ATG7: variants seen among roughly 807,000 people sequenced by gnomAD.
The protein encoded by ATG7 is ubiquitin-like modifier-activating enzyme ATG7.
Under a neutral mutation model 82.4 loss-of-function variants are expected in ATG7, and 70 were observed. That is an observed-to-expected ratio of 0.85 (90% CI 0.70 to 1.04). The LOEUF is 1.04. ATG7 is among the 50% of genes least tolerant of loss of function. ATG7 has a pLI of 0.00. For missense variants in ATG7, 792 were observed against 864.3 expected, an observed-to-expected ratio of 0.92 and a Z score of 1.05; for synonymous variants, 287 against 313.0, an observed-to-expected ratio of 0.92 and a Z score of 0.88.
chr3:11,512,902 G>A (rs1399639301), intron 20 of ATG7, among the ~76,000 whole-genome samples: 4 of 152,118 alleles, frequency 2.6e-5, no homozygotes, highest in Admixed American at 1.3e-4. Context: ...TGATTGGTGC[G>A]TTTACAATCC....
chr3:11,477,357 G>T, intron 20 of ATG7: 1 of 1,103,748 alleles, frequency 9.1e-7, no homozygotes, highest in South Asian at 1.9e-5. Context: ...AGTAATGAAT[G>T]TAAGTTTCTC....
Position 11,371,590 on chromosome 3 carries a change from A to C in ATG7, c.1875+6856A>C, listed in dbSNP as rs140597358. The stretch of plus-strand genomic sequence containing the variant: ...CAGGGATTCCCATACCTGGCCTTCC[A>C]TCAGAATCACCTAAGGAGCCATTTC... On this transcript the variant is annotated intron_variant, in intron 18 of 20. Transcript: ENST00000693202. Among the ~76,000 whole-genome samples, 372 of 151,006 alleles carry C rather than the reference A, an allele frequency of 2.5e-3. 8 individuals carry two copies. The highest frequency in any genetic ancestry group is 4.0e-3 in the Admixed American group (60 of 15,130).
chr3:11,323,753 C>T (rs1429236507), intron 9 of ATG7, among the ~76,000 whole-genome samples: 1 of 152,226 alleles, frequency 6.6e-6, no homozygotes, highest in Admixed American at 6.5e-5. Flanking sequence ...GTTAGTTGGG[C>T]TCTTTCTTCA....
chr3:11,499,511 C>T (rs942434003), intron 20 of ATG7, among the ~76,000 whole-genome samples: 3 of 151,966 alleles, frequency 2.0e-5, no homozygotes, highest in South Asian at 2.1e-4. Flanking sequence ...TTTGGGAGGC[C>T]GAGGAGGGCG....
chr3:11,569,017 G>C, the ATG7 span: 10 of 907,994 alleles, frequency 1.1e-5, no homozygotes, highest in Admixed American at 1.0e-4. Flanking sequence ...AGCTTTCTGA[G>C]TACTGAAAGC....
At chr3:11,363,260 G>A (rs1485903155) in intron 17 of ATG7, among the ~76,000 whole-genome samples, 2 of 147,406 alleles carry the variant, frequency 1.4e-5, no homozygotes, top group African/African-American at 5.0e-5. Context: ...TTTTTTTAAC[G>A]AGACGGAATT....
rs111546917 is a variant in ATG7, at chr3:11,538,520, AAG to A, written c.2080-16287_2080-16286del. ...AAATGCCATGGTATGGTAGAGAGGA[AAG>A]AGACTCATATTTGAATATGACACAG... On this transcript the variant is annotated intron_variant, in intron 20 of 20. Coordinates refer to ENST00000693202, the MANE Select transcript of ATG7 (RefSeq NM_001349232.2). 1.6e-3 allele frequency among the ~76,000 whole-genome samples: 241 copies of A among 151,796 alleles called. 2 individuals are homozygous for A. The highest frequency in any genetic ancestry group is 5.3e-3 in the African/African-American group (221 of 41,352).
chr3:11,571,414 T>G, the ATG7 span, among the ~76,000 whole-genome samples: 3 of 152,210 alleles, frequency 2.0e-5, no homozygotes, highest in Non-Finnish European at 4.4e-5. Context: ...CCAGGTGCAG[T>G]GACTCACGCC....
chr3:11,559,303 T>C (rs1389447561), downstream of ATG7: 2 of 1,511,170 alleles, frequency 1.3e-6, no homozygotes, highest in East Asian at 2.5e-5. Flanking sequence ...AGCACAGCTG[T>C]GACAGGTGAG....
At chr3:11,486,825 T>TG (rs1375185621) in intron 20 of ATG7, among the ~76,000 whole-genome samples, 1 of 141,186 alleles carries the variant, frequency 7.1e-6, no homozygotes, top group Non-Finnish European at 1.5e-5. Flanking sequence ...GTTCTGTTTT[T>TG]TTTTTTTTTT....
chr3:11,273,652 G>A (rs141784536), intron 1 of ATG7, among the ~76,000 whole-genome samples: 4 of 152,226 alleles, frequency 2.6e-5, no homozygotes, highest in African/African-American at 9.6e-5. Context: ...ATATTTGTTG[G>A]ATGAATGAAT....
intron 19 of ATG7, among the ~76,000 whole-genome samples, chr3:11,425,723 A>C (rs1039685619): frequency 6.6e-6 from 1 of 152,208 alleles, no homozygotes; most frequent in Non-Finnish European, 1.5e-5. Flanking sequence ...GTTCAACTTA[A>C]TGAATTCTCA....
intron 20 of ATG7, among the ~76,000 whole-genome samples, chr3:11,439,413 G>T (rs2083673854): frequency 6.6e-6 from 1 of 152,144 alleles, no homozygotes; most frequent in Admixed American, 6.5e-5. Flanking sequence ...CTGTAGGGGA[G>T]CAGGGAGGGA....
chr3:11,372,851 C>CGTGCGTGCGTGTGCGTGT (rs2077125424), intron 18 of ATG7, among the ~76,000 whole-genome samples: 4 of 83,348 alleles, frequency 4.8e-5, no homozygotes, highest in South Asian at 3.4e-4. Context: ...CGTGCGTGTG[C>CGTGCGTGCGTGTGCGTGT]GTGTGTGTGT....
intron 13 of ATG7, among the ~76,000 whole-genome samples, chr3:11,342,572 G>T (rs1953823383): frequency 6.6e-6 from 1 of 152,058 alleles, no homozygotes; most frequent in Admixed American, 6.6e-5. Context: ...TAAATATAGA[G>T]AAATCAGTAT....
chr3:11,331,495 G>T (rs1280403770), intron 10 of ATG7, 67 bp downstream of exon 10: 6 of 1,261,580 alleles, frequency 4.8e-6, no homozygotes, highest in Middle Eastern at 3.8e-4. Flanking sequence ...CAATGTGTCT[G>T]TTTCTATTTG....
At chr3:11,528,074 T>C (rs1335497717) in intron 20 of ATG7, among the ~76,000 whole-genome samples, 1 of 152,164 alleles carries the variant, frequency 6.6e-6, no homozygotes, top group African/African-American at 2.4e-5. Context: ...GGGCCTTCTG[T>C]TGCCTTCTCA....
At chr3:11,574,131 G>A in the ATG7 span, among the ~76,000 whole-genome samples, 5 of 152,122 alleles carry the variant, frequency 3.3e-5, no homozygotes, top group East Asian at 3.8e-4. Context: ...GAGACAATAC[G>A]TTTTTCTTAC....
rs549466742 is a variant in ATG7, at chr3:11,395,441, A to G, written c.1956+15389A>G. Among the ~76,000 whole-genome samples the G allele has an allele frequency of 3.3e-5, 5 of 152,240 alleles. 1 individual carries two copies. The highest frequency in any genetic ancestry group is 1.2e-4 in the African/African-American group (5 of 41,584). On this transcript the variant is annotated intron_variant, in intron 19 of 20. Coordinates refer to ENST00000693202, the MANE Select transcript of ATG7 (RefSeq NM_001349232.2). ...TAAAACTAAATCCACACCAAGACCC[A>G]TCATAATCAAACTTCAGAAAATGGA...
Sources: gnomAD v4.1 joint callset for allele counts (sites outside exome capture counted in the v4.1 genomes callset) on GRCh38, gnomAD v4.1.1 for gene constraint, MANE v1.5 for transcripts, NCBI Gene and HGNC (gene_info 2026-07-23, HGNC 2026-07-21) for gene names.